The following EPHA6 variants were observed in gnomAD, a reference collection of about 807,000 sequenced individuals.
EPHA6 encodes the protein EPH receptor A6, also known as ephrin type-A receptor 6.
Under a neutral mutation model 112.0 loss-of-function variants are expected in EPHA6, and 50 were observed. That is an observed-to-expected ratio of 0.45 (90% confidence interval 0.36 to 0.56). The LOEUF (loss-of-function observed/expected upper bound fraction) is 0.56, where lower values mean the gene tolerates loss of function less well. Among genes scored for constraint, EPHA6 ranks in the 20% least tolerant of loss-of-function variants. The probability of loss-of-function intolerance (pLI) is 0.00; values close to 1 mark genes in which losing one functional copy is unlikely to be tolerated. For synonymous variants in EPHA6, 529 were observed against 490.7 expected, an observed-to-expected ratio of 1.08 and a Z score of -1.03; for missense variants, 1,280 against 1,417.4, an observed-to-expected ratio of 0.90 and a Z score of 1.56.
At chr3:97,669,616 A>C (rs1204311167) in intron 14 of EPHA6, among the ~76,000 whole-genome samples, 2 of 151,814 alleles carry the variant, frequency 1.3e-5, no homozygotes, top group Admixed American at 1.3e-4. Flanking sequence ...AAAAAAGAAG[A>C]AGTAGACTTC....
intron 3 of EPHA6, among the ~76,000 whole-genome samples, chr3:97,004,888 G>C (rs1486640473): frequency 6.6e-6 from 1 of 152,150 alleles, no homozygotes; most frequent in Non-Finnish European, 1.5e-5. Flanking sequence ...CCCATTGCTT[G>C]TTTTTGTCAG....
intron 9 of EPHA6, among the ~76,000 whole-genome samples, chr3:97,482,176 A>G (rs970315601): frequency 6.6e-6 from 1 of 152,240 alleles, no homozygotes; most frequent in Non-Finnish European, 1.5e-5. Context: ...ATTCTATAGA[A>G]ATGTGTACCA....
At chr3:97,027,643 G>T (rs1352983011) in intron 3 of EPHA6, among the ~76,000 whole-genome samples, 5 of 152,150 alleles carry the variant, frequency 3.3e-5, no homozygotes, top group Non-Finnish European at 7.4e-5. Context: ...TGAAGTATCT[G>T]AAAATAAGTG....
chr3:97,119,528 G>C (rs1054989539), intron 3 of EPHA6, among the ~76,000 whole-genome samples: 1 of 151,870 alleles, frequency 6.6e-6, no homozygotes, highest in African/African-American at 2.4e-5. Flanking sequence ...CAAAGCCGCA[G>C]AAACTTCAGG....
intron 6 of EPHA6, among the ~76,000 whole-genome samples, chr3:97,419,467 A>C (rs1486853744): frequency 6.6e-6 from 1 of 151,708 alleles, no homozygotes; most frequent in East Asian, 1.9e-4. Context: ...TCTACTGAAA[A>C]TACAAAAATC....
intron 7 of EPHA6, among the ~76,000 whole-genome samples, chr3:97,449,250 T>G (rs1212407454): frequency 6.6e-6 from 1 of 151,900 alleles, no homozygotes; most frequent in South Asian, 2.1e-4. Context: ...ATGAAGGGAG[T>G]GAGATATTCC....
At chr3:97,149,845 T>TTATAATACA (rs1333922287) in intron 3 of EPHA6, among the ~76,000 whole-genome samples, 1 of 149,792 alleles carries the variant, frequency 6.7e-6, no homozygotes, top group Non-Finnish European at 1.5e-5. Flanking sequence ...TTATAATGTA[T>TTATAATACA]TATAATACAT....
chr3:97,413,298 G>T (rs111242045), intron 6 of EPHA6, among the ~76,000 whole-genome samples: 1 of 151,854 alleles, frequency 6.6e-6, no homozygotes, highest in East Asian at 1.9e-4. Context: ...TTGAGGATGC[G>T]CCTGAGGAAA....
At chr3:96,901,975 G>A (rs4475058) in intron 2 of EPHA6, among the ~76,000 whole-genome samples, 33,194 of 152,084 alleles carry the variant, frequency 0.22, 6,334 homozygotes, top group African/African-American at 0.49. Flanking sequence ...TTACAAATAA[G>A]TCACAGGAAC....
chr3:97,653,843 C>T (rs2094121596), intron 14 of EPHA6, among the ~76,000 whole-genome samples: 1 of 151,882 alleles, frequency 6.6e-6, no homozygotes, highest in Non-Finnish European at 1.5e-5. Flanking sequence ...ATTTGCAAAA[C>T]ATAGATGAAC....
intron 3 of EPHA6, among the ~76,000 whole-genome samples, chr3:97,082,686 C>T (rs1055819110): frequency 6.6e-6 from 1 of 151,836 alleles, no homozygotes; most frequent in African/African-American, 2.4e-5. Context: ...CTGCCAGTCT[C>T]TTAGAAGAAT....
chr3:96,905,708 G>GT (rs574559070), intron 2 of EPHA6, among the ~76,000 whole-genome samples: 4,610 of 148,134 alleles, frequency 0.031, 103 homozygotes, highest in Middle Eastern at 0.076. Context: ...TTCTCATTAG[G>GT]TTTTTTTTTT....
intron 5 of EPHA6, among the ~76,000 whole-genome samples, chr3:97,340,081 A>G (rs2108854744): frequency 6.6e-6 from 1 of 152,322 alleles, no homozygotes; most frequent in Admixed American, 6.5e-5. Flanking sequence ...AATTTTTGAG[A>G]TGGATATTTA....
chr3:96,941,980 G>T (rs1183182751), intron 2 of EPHA6, among the ~76,000 whole-genome samples: 1 of 152,228 alleles, frequency 6.6e-6, no homozygotes, highest in African/African-American at 2.4e-5. Context: ...TGGAAGTTTT[G>T]TCTCAGAGGA....
chr3:97,520,465 A>G (rs2092522713), intron 10 of EPHA6, among the ~76,000 whole-genome samples: 1 of 152,164 alleles, frequency 6.6e-6, no homozygotes, highest in Non-Finnish European at 1.5e-5. Flanking sequence ...TCATTTATGA[A>G]GGATAACTTT....
intron 2 of EPHA6, among the ~76,000 whole-genome samples, chr3:96,934,189 T>C (rs1332938073): frequency 1.3e-5 from 2 of 152,002 alleles, no homozygotes; most frequent in African/African-American, 2.4e-5. Context: ...AGGGTGTTTA[T>C]AAATAGAATA....
intron 5 of EPHA6, among the ~76,000 whole-genome samples, chr3:97,327,282 A>G (rs2082479226): frequency 6.6e-6 from 1 of 152,012 alleles, no homozygotes; most frequent in Non-Finnish European, 1.5e-5. Flanking sequence ...TTTAATTGAC[A>G]TTTTTATTGA....
chr3:97,299,192 TGTGTGTGTGTGTGTGTGTGTAGGGGGGA>T, intron 5 of EPHA6, among the ~76,000 whole-genome samples: 1 of 150,764 alleles, frequency 6.6e-6, no homozygotes, highest in African/African-American at 2.5e-5. Context: ...GATGTGTGTG[TGTGTGTGTGTGTGTGTGTGTAGGGGGGA>T]GTGTGTGTGT....
chr3:97,029,312 C>T (rs1301016002), intron 3 of EPHA6, among the ~76,000 whole-genome samples: 1 of 151,250 alleles, frequency 6.6e-6, no homozygotes, highest in Non-Finnish European at 1.5e-5. Flanking sequence ...ATATAAATTA[C>T]ATAAAAATTT....
Sources: allele counts gnomAD v4.1 joint callset (sites outside exome capture counted in the v4.1 genomes callset), GRCh38; gene constraint gnomAD v4.1.1; transcripts MANE v1.5; gene names NCBI Gene and HGNC (gene_info 2026-07-23, HGNC 2026-07-21).